Variants in RNF169 observed in about 807,000 individuals in gnomAD.
The protein encoded by RNF169 is ring finger protein 169, also known as E3 ubiquitin-protein ligase RNF169.
Under a neutral mutation model 53.9 loss-of-function variants are expected in RNF169, and 24 were observed. That is an observed-to-expected ratio of 0.45 (90% CI 0.32 to 0.63). RNF169 has a LOEUF of 0.63. Among genes scored for constraint, RNF169 ranks in the 20% least tolerant of loss-of-function variants. The probability of loss-of-function intolerance (pLI) is 0.04; values close to 1 mark genes in which losing one functional copy is unlikely to be tolerated. For missense variants in RNF169, 883 were observed against 906.2 expected (o/e 0.97, Z 0.33); for synonymous variants, 396 against 363.5 (o/e 1.09, Z -1.02).
chr11:74,788,828 C>T (rs1020357618), intron 1 of RNF169, among the ~76,000 whole-genome samples: 6 of 152,042 alleles, frequency 3.9e-5, no homozygotes, highest in African/African-American at 1.4e-4. Flanking sequence ...ATGGGTTGCT[C>T]TTGTTTTAAA....
chr11:74,795,982 A>G (rs1327117238), intron 2 of RNF169, among the ~76,000 whole-genome samples: 1 of 152,214 alleles, frequency 6.6e-6, no homozygotes, highest in African/African-American at 2.4e-5. Context: ...ATCCTTGCCA[A>G]ACCTTTTTCA....
Position 74,840,381 on chromosome 11 carries a change from A to G in RNF169, c.*3651A>G, listed in dbSNP as rs1436463957. 2 of 152,150 alleles carry G rather than the reference A, an allele frequency of 1.3e-5. No individual in the cohort carries two copies. The highest frequency in any genetic ancestry group is 4.8e-5 in the African/African-American group (2 of 41,442). The allele number at this position is 152,150 out of a possible 1,614,324, so 9.4% of individuals were successfully genotyped here. A position where few individuals can be genotyped will look rare whatever the true frequency, so the allele number is the denominator to read the frequency against. The stretch of plus-strand genomic sequence containing the variant: ...CTGCATTCTACATTTTAGAGACCCC[A>G]TTGGTATTTGTGAATTTGATTGCAC... On this transcript the variant is annotated 3_prime_UTR_variant, in exon 6 of 6. Coordinates refer to ENST00000299563, the MANE Select transcript of RNF169 (RefSeq NM_001098638.2).
At chr11:74,772,435 T>G (rs1174382285) in intron 1 of RNF169, among the ~76,000 whole-genome samples, 1 of 151,138 alleles carries the variant, frequency 6.6e-6, no homozygotes. Flanking sequence ...TGGCACTTAA[T>G]CCTTCAGTAA....
chr11:74,767,379 CAT>C (rs1007678140), intron 1 of RNF169, among the ~76,000 whole-genome samples: 29 of 151,902 alleles, frequency 1.9e-4, no homozygotes, highest in African/African-American at 6.5e-4. Context: ...AAAACTAGAA[CAT>C]GTGGAATAGG....
intron 2 of RNF169, among the ~76,000 whole-genome samples, chr11:74,808,638 G>A (rs570683987): frequency 1.3e-5 from 2 of 152,210 alleles, no homozygotes; most frequent in Non-Finnish European, 2.9e-5. Flanking sequence ...CATAGTGCTT[G>A]GCTAAGCACC....
chr11:74,774,022 A>G (rs1392478652), intron 1 of RNF169, among the ~76,000 whole-genome samples: 3 of 152,210 alleles, frequency 2.0e-5, no homozygotes, highest in Admixed American at 2.0e-4. Flanking sequence ...GATGAGTAAG[A>G]CACAAACCTT....
At chr11:74,780,662 G>C (rs1053197903) in intron 1 of RNF169, among the ~76,000 whole-genome samples, 9 of 152,092 alleles carry the variant, frequency 5.9e-5, no homozygotes, top group Non-Finnish European at 8.8e-5. Context: ...CTTCTCCACT[G>C]CTTATGAAAT....
intron 3 of RNF169, among the ~76,000 whole-genome samples, chr11:74,814,153 T>C (rs977686336): frequency 1.3e-5 from 2 of 151,792 alleles, no homozygotes; most frequent in Non-Finnish European, 2.9e-5. Context: ...AAACCCCTTC[T>C]CTAATAAAAA....
intron 1 of RNF169, among the ~76,000 whole-genome samples, chr11:74,783,676 C>T (rs535444271): frequency 6.6e-6 from 1 of 152,250 alleles, no homozygotes; most frequent in Admixed American, 6.5e-5. Flanking sequence ...GTTGCCTTTC[C>T]TGGTTCTGAC....
Position 74,748,961 on chromosome 11 carries a change from C to A in RNF169, c.81C>A (p.Arg27=). The A allele has an allele frequency of 6.8e-7, 1 of 1,478,454 alleles. No individual in the cohort carries two copies. 91.6% of individuals were successfully genotyped at this position (1,478,454 alleles called of 1,614,324 possible). A position where few individuals can be genotyped will look rare whatever the true frequency, so the allele number is the denominator to read the frequency against. ...TGAGTCGGCGGGGCCGGCGGGGCCG[C>A]TGTGACGAGACGGCGGCAGCTAAGA... ...AALSRRGRRG[R]CDETAAAKTG... Residue 27 remains arginine (R), a synonymous_variant, in exon 1 of 6, where the codon CGC becomes CGA. Transcript: ENST00000299563.
At chr11:74,830,878 C>G (rs2036167767) in intron 4 of RNF169, 1 of 151,966 alleles carries the variant, frequency 6.6e-6, no homozygotes, top group Non-Finnish European at 1.5e-5. Context: ...ATACGAAGAT[C>G]AATGTAATGT....
At chr11:74,826,999 C>T (rs540218683) in intron 4 of RNF169, among the ~76,000 whole-genome samples, 2 of 152,308 alleles carry the variant, frequency 1.3e-5, no homozygotes, top group South Asian at 4.1e-4. Flanking sequence ...GAAGGTAGCC[C>T]TCTTATCACA....
chr11:74,836,806 C>T lies in RNF169; in HGVS notation c.*76C>T. 1 of 1,190,480 alleles carries T rather than the reference C, an allele frequency of 8.4e-7. No individual in the cohort carries two copies. The highest frequency in any genetic ancestry group is 1.2e-6 in the Non-Finnish European group (1 of 856,900). 73.7% of individuals were successfully genotyped at this position (1,190,480 alleles called of 1,614,324 possible). A position where few individuals can be genotyped will look rare whatever the true frequency, so the allele number is the denominator to read the frequency against. On this transcript the variant is annotated 3_prime_UTR_variant, in exon 6 of 6. Coordinates refer to ENST00000299563, the MANE Select transcript of RNF169 (RefSeq NM_001098638.2). ...TATCCTGAAGAGCTGAGTGTTCTCA[C>T]TTTGGTTTTATTTTAATGGCAAAAC... is the stretch of plus-strand genomic sequence containing the variant.
intron 1 of RNF169, among the ~76,000 whole-genome samples, chr11:74,752,465 C>T (rs2135299740): frequency 6.6e-6 from 1 of 151,764 alleles, no homozygotes; most frequent in Non-Finnish European, 1.5e-5. Context: ...GGTGCGGTGG[C>T]ACACGCCTGT....
chr11:74,784,372 T>G (rs1258801044), intron 1 of RNF169, among the ~76,000 whole-genome samples: 1 of 152,116 alleles, frequency 6.6e-6, no homozygotes, highest in Non-Finnish European at 1.5e-5. Flanking sequence ...GTTCACTGAT[T>G]TGCTAGGGGG....
intron 1 of RNF169, among the ~76,000 whole-genome samples, chr11:74,777,852 G>A (rs971188460): frequency 1.3e-5 from 2 of 152,002 alleles, no homozygotes; most frequent in African/African-American, 4.8e-5. Context: ...GGTCTCAAAC[G>A]GCTAGTCTAA....
At chr11:74,827,292 G>A (rs1248617503) in intron 4 of RNF169, among the ~76,000 whole-genome samples, 3 of 152,124 alleles carry the variant, frequency 2.0e-5, no homozygotes, top group Non-Finnish European at 4.4e-5. Context: ...CCACGGCTGG[G>A]GTGTGGGCAC....
At chr11:74,787,508 G>A (rs2035521099) in intron 1 of RNF169, among the ~76,000 whole-genome samples, 2 of 152,210 alleles carry the variant, frequency 1.3e-5, no homozygotes, top group African/African-American at 4.8e-5. Context: ...TGGAAAAGAT[G>A]TGAGTAGATC....
chr11:74,823,946 G>GA (rs1298322051), intron 4 of RNF169, among the ~76,000 whole-genome samples: 8 of 152,146 alleles, frequency 5.3e-5, no homozygotes, highest in Admixed American at 3.9e-4. Flanking sequence ...CAGGGGTGGG[G>GA]AGAGAATCTG....
Sources: allele counts gnomAD v4.1 joint callset (sites outside exome capture counted in the v4.1 genomes callset), GRCh38; gene constraint gnomAD v4.1.1; transcripts MANE v1.5; gene names NCBI Gene and HGNC (gene_info 2026-07-23, HGNC 2026-07-21).